The following MAD1L1 variants were observed in gnomAD, a reference collection of about 807,000 sequenced individuals.
The protein encoded by MAD1L1 is mitotic arrest deficient 1 like 1.
A neutral mutation model predicts 96.9 loss-of-function variants in MAD1L1; 95 were observed. That is an observed-to-expected ratio of 0.98 (90% confidence interval 0.83 to 1.16). MAD1L1 has a LOEUF of 1.16. Ranked by LOEUF, MAD1L1 falls within the 50% of genes most tolerant of loss-of-function variation. The probability of loss-of-function intolerance (pLI) is 0.00; values close to 1 mark genes in which losing one functional copy is unlikely to be tolerated. For synonymous variants in MAD1L1, 473 were observed against 396.6 expected, an observed-to-expected ratio of 1.19 and a Z score of -2.29; for missense variants, 1,007 against 954.4, an observed-to-expected ratio of 1.06 and a Z score of -0.73.
At chr7:2,098,719 C>T (rs1786627240) in intron 11 of MAD1L1, among the ~76,000 whole-genome samples, 1 of 152,170 alleles carries the variant, frequency 6.6e-6, no homozygotes, top group African/African-American at 2.4e-5. Context: ...AGCGCACTAC[C>T]ACACCCGATA....
At chr7:1,934,634 C>A (rs867265256) in intron 17 of MAD1L1, among the ~76,000 whole-genome samples, 6 of 150,018 alleles carry the variant, frequency 4.0e-5, no homozygotes, top group South Asian at 4.3e-4. Flanking sequence ...GACGGGCGAA[C>A]CCGAGACAGG....
intron 14 of MAD1L1, 137 bp downstream of exon 14, chr7:2,001,928 C>G: frequency 1.1e-6 from 1 of 871,668 alleles, no homozygotes; most frequent in Non-Finnish European, 1.9e-6. Context: ...CCCTTCCCCG[C>G]TCAACGCAGC....
chr7:2,010,074 T>C (rs1247915697), intron 13 of MAD1L1, among the ~76,000 whole-genome samples: 94 of 69,928 alleles, frequency 1.3e-3, no homozygotes, highest in Non-Finnish European at 2.4e-3. Flanking sequence ...TAACAGGTTT[T>C]TTTTTTTTTT....
At chr7:2,043,660 G>C (rs1265688905) in intron 12 of MAD1L1, among the ~76,000 whole-genome samples, 2 of 152,336 alleles carry the variant, frequency 1.3e-5, no homozygotes, top group African/African-American at 4.8e-5. Flanking sequence ...TGGGGATCCA[G>C]ACTGGCTGAG....
At chr7:2,139,087 A>G (rs1265928470) in intron 11 of MAD1L1, among the ~76,000 whole-genome samples, 5 of 152,088 alleles carry the variant, frequency 3.3e-5, no homozygotes, top group Non-Finnish European at 7.4e-5. Flanking sequence ...GCGAGGAGGA[A>G]GAGCAGGCGA....
intron 16 of MAD1L1, among the ~76,000 whole-genome samples, chr7:1,955,707 C>T (rs1445331883): frequency 6.6e-6 from 1 of 152,188 alleles, no homozygotes; most frequent in African/African-American, 2.4e-5. Flanking sequence ...CGGTTCCTCA[C>T]AGGCTGAGTA....
chr7:1,892,052 C>T (rs375436720), intron 18 of MAD1L1, among the ~76,000 whole-genome samples: 15 of 152,356 alleles, frequency 9.8e-5, no homozygotes, highest in East Asian at 7.7e-4. Context: ...GCTCCGTTCA[C>T]GGTGAGCACC....
At chr7:2,008,175 G>C (rs147773960) in intron 13 of MAD1L1, among the ~76,000 whole-genome samples, 340 of 152,310 alleles carry the variant, frequency 2.2e-3, no homozygotes, top group South Asian at 7.5e-3. Flanking sequence ...CAGAGCTCGG[G>C]GAGAACCACA....
chr7:1,900,880 A>G (rs1787199417), intron 17 of MAD1L1, among the ~76,000 whole-genome samples: 1 of 152,180 alleles, frequency 6.6e-6, no homozygotes, highest in South Asian at 2.1e-4. Context: ...TTGCCCACCC[A>G]TAGCAGGTTG....
intron 4 of MAD1L1, among the ~76,000 whole-genome samples, chr7:2,225,194 G>T (rs780456783): frequency 2.0e-5 from 3 of 148,974 alleles, no homozygotes; most frequent in Non-Finnish European, 4.4e-5. Context: ...CTTCCAGCCA[G>T]CTGGGTTCTC....
At chr7:1,887,058 C>T (rs552465021) in intron 18 of MAD1L1, among the ~76,000 whole-genome samples, 66 of 152,390 alleles carry the variant, frequency 4.3e-4, no homozygotes, top group African/African-American at 1.4e-3. Flanking sequence ...GCTTTGCATA[C>T]CATGGGCCTT....
chr7:2,101,338 A>G lies in MAD1L1; in HGVS notation c.1074-32000T>C, dbSNP rs866698696. Reference sequence around the variant, plus strand: ...GGCATGAGACTGGGGCTCCACTCCTAAAGGGTCTCCATCCAGGTGGGTGGC... The same window carrying G: ...GGCATGAGACTGGGGCTCCACTCCTGAAGGGTCTCCATCCAGGTGGGTGGC... On this transcript the variant is annotated intron_variant, in intron 11 of 18. Transcript: ENST00000265854. Among the ~76,000 whole-genome samples the G allele has an allele frequency of 4.8e-3, 657 of 137,530 alleles. 7 individuals carry two copies. The highest frequency in any genetic ancestry group is 0.017 in the African/African-American group (619 of 36,258). The allele number at this position is 137,530 out of a possible 152,430, so 90.2% of individuals were successfully genotyped here.
chr7:2,120,494 G>A (rs931847489), intron 11 of MAD1L1, among the ~76,000 whole-genome samples: 1 of 152,220 alleles, frequency 6.6e-6, no homozygotes, highest in African/African-American at 2.4e-5. Flanking sequence ...CCTGGCACAG[G>A]GAGGAGGCAC....
At chr7:2,219,581 C>T in intron 5 of MAD1L1, 125 bp from the exon 6 acceptor site, 1 of 883,286 alleles carries the variant, frequency 1.1e-6, no homozygotes, top group Non-Finnish European at 1.6e-6. Context: ...GGGCAGGAGG[C>T]AGAGGGGCAG....
chr7:2,079,330 T>C (rs1345001002), intron 11 of MAD1L1, among the ~76,000 whole-genome samples: 2 of 152,264 alleles, frequency 1.3e-5, no homozygotes, highest in East Asian at 3.9e-4. Flanking sequence ...CAATCTTAAA[T>C]GCCTCCAAGT....
At chr7:2,206,173 T>C (rs1792587268) in intron 10 of MAD1L1, among the ~76,000 whole-genome samples, 1 of 152,214 alleles carries the variant, frequency 6.6e-6, no homozygotes, top group African/African-American at 2.4e-5. Flanking sequence ...TAAAAGTCTT[T>C]TGACCATTTT....
At chr7:1,989,781 C>A (rs755227877) in intron 14 of MAD1L1, among the ~76,000 whole-genome samples, 22 of 152,324 alleles carry the variant, frequency 1.4e-4, no homozygotes, top group Non-Finnish European at 2.5e-4. Context: ...ATGGCCCAGC[C>A]TCAGTGTAGG....
At chr7:2,215,650 C>T (rs937364898) in intron 9 of MAD1L1, among the ~76,000 whole-genome samples, 3 of 152,182 alleles carry the variant, frequency 2.0e-5, no homozygotes, top group Admixed American at 6.5e-5. Context: ...GGAGCCCCTC[C>T]CCGCCGTGGG....
intron 12 of MAD1L1, among the ~76,000 whole-genome samples, chr7:2,053,527 T>C (rs12699646): frequency 2.6e-5 from 4 of 152,048 alleles, no homozygotes; most frequent in African/African-American, 4.8e-5. Context: ...TTCCGGGAAG[T>C]AGAGAAGCTG....
Sources: gnomAD v4.1 joint callset for allele counts (sites outside exome capture counted in the v4.1 genomes callset) on GRCh38, gnomAD v4.1.1 for gene constraint, MANE v1.5 for transcripts, NCBI Gene and HGNC (gene_info 2026-07-23, HGNC 2026-07-21) for gene names.